The following HTR7 variants were observed in gnomAD, a reference collection of about 807,000 sequenced individuals.
The protein encoded by HTR7 is 5-HT-7.
HTR7 carries 16 observed loss-of-function variants against 34.0 expected under a neutral mutation model. The ratio of observed to expected loss-of-function variants is 0.47; its 90% CI spans 0.32 to 0.71. The LOEUF is 0.71. Among genes scored for constraint, HTR7 ranks in the 30% least tolerant of loss-of-function variants. The probability of loss-of-function intolerance (pLI) is 0.04; values close to 1 mark genes in which losing one functional copy is unlikely to be tolerated. For missense variants in HTR7, 504 were observed against 625.5 expected, an observed-to-expected ratio of 0.81 and a Z score of 2.07; for synonymous variants, 265 against 260.2, an observed-to-expected ratio of 1.02 and a Z score of -0.18.
At chr10:90,769,091 G>A (rs1039665470) in intron 1 of HTR7, among the ~76,000 whole-genome samples, 1 of 152,192 alleles carries the variant, frequency 6.6e-6, no homozygotes, top group African/African-American at 2.4e-5. Context: ...AGCCATCTTT[G>A]CAGAAAAGAA....
intron 1 of HTR7, among the ~76,000 whole-genome samples, chr10:90,842,702 A>C (rs1846348351): frequency 6.7e-6 from 1 of 149,734 alleles, no homozygotes; most frequent in Non-Finnish European, 1.5e-5. Flanking sequence ...TTCATCAAAA[A>C]TGTGTTTATT....
At chr10:90,797,970 G>A (rs1196362711) in intron 1 of HTR7, among the ~76,000 whole-genome samples, 1 of 152,200 alleles carries the variant, frequency 6.6e-6, no homozygotes, top group African/African-American at 2.4e-5. Context: ...GGGCAAGACA[G>A]GGTGGAACTC....
chr10:90,765,968 T>C (rs1459655181), intron 1 of HTR7, among the ~76,000 whole-genome samples: 1 of 152,222 alleles, frequency 6.6e-6, no homozygotes, highest in Non-Finnish European at 1.5e-5. Context: ...ATGTTCTGTG[T>C]GTGCTTGAGA....
At position 90,742,502 on chromosome 10, in the gene HTR7, T is replaced by C. The variant is rs1844568415; in HGVS notation, c.1420A>G (p.Lys474Glu). ...TGCTTTCAATCATGAATCATGACCT[T>C]TTTTTCTACAGTAGTCAGCATTTTG... The part of the protein sequence containing the change: ...ADKMLTTVEK[K>E]VMIHD Residue 474 changes from lysine (K) to glutamate (E), a missense_variant, in exon 4 of 4, where the codon AAG becomes GAG. Transcript: ENST00000336152. 1 of 1,600,236 alleles carries C rather than the reference T, an allele frequency of 6.2e-7. No individual in the cohort carries two copies. Among genetic ancestry groups the C allele is most frequent in the Non-Finnish European group, 8.5e-7 (1 of 1,174,150 alleles).
chr10:90,829,168 C>G (rs1846127553), intron 1 of HTR7, among the ~76,000 whole-genome samples: 1 of 152,040 alleles, frequency 6.6e-6, no homozygotes, highest in African/African-American at 2.4e-5. Flanking sequence ...TCAGCTGATG[C>G]TGAAAAAGAC....
chr10:90,829,861 C>T (rs977899230), intron 1 of HTR7, among the ~76,000 whole-genome samples: 2 of 151,892 alleles, frequency 1.3e-5, no homozygotes, highest in African/African-American at 4.8e-5. Flanking sequence ...TCAAGTAATC[C>T]CATTTACAAT....
chr10:90,841,489 C>T (rs1564700433), intron 1 of HTR7, among the ~76,000 whole-genome samples: 2 of 152,174 alleles, frequency 1.3e-5, no homozygotes, highest in South Asian at 4.1e-4. Context: ...ATTTCATCAC[C>T]TTTTCCGTCT....
chr10:90,852,512 T>G lies in HTR7; in HGVS notation c.539+4621A>C, dbSNP rs191427584. ...AGGATTGTATTTCCCCAAAATAAAT[T>G]TAAACATATCCACAAATGACTTGCA... On this transcript the variant is annotated intron_variant, in intron 1 of 3. Transcript: ENST00000336152. 1.7e-3 allele frequency among the ~76,000 whole-genome samples: 261 copies of G among 152,288 alleles called. 2 individuals are homozygous for G. The highest frequency in any genetic ancestry group is 6.0e-3 in the African/African-American group (250 of 41,562).
chr10:90,742,234 G>A lies in HTR7; in HGVS notation c.*248C>T. The stretch of plus-strand genomic sequence containing the variant: ...TCCTTTCTGGAACTCAGTTCTGTTG[G>A]TGTGCTTACTGCTGAGATGATCTGC... On this transcript the variant is annotated 3_prime_UTR_variant, in exon 4 of 4. Coordinates refer to ENST00000336152, the MANE Select transcript of HTR7 (RefSeq NM_019859.4). 3.1e-6 allele frequency: 1 copy of A among 317,462 alleles called. No homozygotes were observed. Among genetic ancestry groups the A allele is most frequent in the Non-Finnish European group, 5.8e-6 (1 of 172,464 alleles). 19.7% of individuals were successfully genotyped at this position (317,462 alleles called of 1,614,324 possible).
chr10:90,806,642 A>C (rs567311014), intron 1 of HTR7, among the ~76,000 whole-genome samples: 2 of 152,158 alleles, frequency 1.3e-5, no homozygotes, highest in East Asian at 3.9e-4. Flanking sequence ...AAAAATAAAA[A>C]AAAAGTTCCT....
intron 1 of HTR7, among the ~76,000 whole-genome samples, chr10:90,763,535 G>A (rs1026844863): frequency 4.6e-5 from 7 of 152,114 alleles, no homozygotes; most frequent in African/African-American, 1.7e-4. Context: ...TGCCATGGTG[G>A]TTTGCTGCAC....
At chr10:90,814,084 C>T (rs1242441469) in intron 1 of HTR7, among the ~76,000 whole-genome samples, 1 of 152,224 alleles carries the variant, frequency 6.6e-6, no homozygotes, top group Non-Finnish European at 1.5e-5. Context: ...CTTGTGACCA[C>T]TTAATTGATT....
chr10:90,808,044 C>T (rs945734236), intron 1 of HTR7, among the ~76,000 whole-genome samples: 2 of 152,198 alleles, frequency 1.3e-5, no homozygotes, highest in Non-Finnish European at 2.9e-5. Flanking sequence ...CCCAAAACCC[C>T]GGCGCCGGTC....
intron 1 of HTR7, among the ~76,000 whole-genome samples, chr10:90,758,344 CA>C (rs58130009): frequency 3.9e-4 from 20 of 51,914 alleles, no homozygotes; most frequent in Admixed American, 6.3e-4. Context: ...GGCTCTGTCT[CA>C]AAAAAAAAAA....
At chr10:90,801,406 A>G (rs936909644) in intron 1 of HTR7, among the ~76,000 whole-genome samples, 13 of 152,230 alleles carry the variant, frequency 8.5e-5, no homozygotes, top group Non-Finnish European at 1.2e-4. Flanking sequence ...CCAACCCCGG[A>G]AACACCAGCT....
At chr10:90,815,555 C>T (rs967727231) in intron 1 of HTR7, among the ~76,000 whole-genome samples, 3 of 152,004 alleles carry the variant, frequency 2.0e-5, no homozygotes, top group Non-Finnish European at 4.4e-5. Flanking sequence ...AGGAGAACAA[C>T]ACATGCTGGG....
chr10:90,774,465 C>A (rs1164618794), intron 1 of HTR7, among the ~76,000 whole-genome samples: 1 of 152,274 alleles, frequency 6.6e-6, no homozygotes, highest in African/African-American at 2.4e-5. Flanking sequence ...ATTATGACTT[C>A]TGCAGTTTTA....
In HTR7 at chr10:90,749,535, G is replaced by A. The variant is rs1177517415; in HGVS notation, c.599C>T (p.Ala200Val). Reference protein sequence around the residue: ...YPVRQNGKCMAKMILSVWLLS... With the variant: ...YPVRQNGKCMVKMILSVWLLS... ...AAGCCAGACGGAGAGAATCATCTTCGCCATGCATTTCCCATTCTGCCTCAC... is the reference window on the plus strand; with the variant it reads ...AAGCCAGACGGAGAGAATCATCTTCACCATGCATTTCCCATTCTGCCTCAC... The change falls in exon 2 of 4, where the codon GCG becomes GTG. Residue 200 changes from alanine (A) to valine (V), a missense_variant. Around this residue, in one of 4 missense-constraint regions of HTR7, gnomAD observed 154 missense variants for 248.8 expected, o/e 0.62. Transcript: ENST00000336152. This position sits in a 1 kb window ranked among gnomAD's most constrained non-coding sequence, Gnocchi z 4.2. The A allele has an allele frequency of 5.0e-6, 8 of 1,613,898 alleles. No individual in the cohort carries two copies. The highest frequency in any genetic ancestry group is 1.7e-5 in the Admixed American group (1 of 59,996).
At chr10:90,837,510 C>G (rs1382258521) in intron 1 of HTR7, among the ~76,000 whole-genome samples, 1 of 152,190 alleles carries the variant, frequency 6.6e-6, no homozygotes, top group Non-Finnish European at 1.5e-5. Context: ...CTCTCTAGCT[C>G]TCTGGCTCTT....
Sources: gnomAD v4.1 joint callset for allele counts (sites outside exome capture counted in the v4.1 genomes callset) on GRCh38, gnomAD v4.1.1 for gene constraint, gnomAD v4.1.1 regional missense constraint, Gnocchi (gnomAD v3.1) non-coding constraint, MANE v1.5 for transcripts, NCBI Gene and HGNC (gene_info 2026-07-23, HGNC 2026-07-21) for gene names.